The following F2RL1 variants were observed in gnomAD, a reference collection of about 807,000 sequenced individuals.
The protein encoded by F2RL1 is F2R like trypsin receptor 1.
Under a neutral mutation model 21.7 loss-of-function variants are expected in F2RL1, and 16 were observed. The ratio of observed to expected loss-of-function variants is 0.74; its 90% confidence interval spans 0.50 to 1.12. F2RL1 has a LOEUF of 1.12. Ranked by LOEUF, F2RL1 falls within the 50% of genes most tolerant of loss-of-function variation. The pLI is 0.00. For synonymous variants in F2RL1, 181 were observed against 186.7 expected, an observed-to-expected ratio of 0.97 and a Z score of 0.25; for missense variants, 432 against 477.8, an observed-to-expected ratio of 0.90 and a Z score of 0.89.
Position 76,829,732 on chromosome 5 carries a change from A to G in F2RL1, c.83-2958A>G, listed in dbSNP as rs77302460. Among the ~76,000 whole-genome samples the G allele has an allele frequency of 5.4e-3, 830 of 152,326 alleles. 18 individuals are homozygous for G. The highest frequency in any genetic ancestry group is 0.036 in the East Asian group (189 of 5,190). ...GCTTTTTATAATAATGGAATAGAAT[A>G]CAATAGAAAGTATCAGTGCACCCTA... On this transcript the variant is annotated intron_variant, in intron 1 of 1. Transcript: ENST00000296677.
At chr5:76,825,650 G>GGA (rs1750225585) in intron 1 of F2RL1, among the ~76,000 whole-genome samples, 2 of 152,144 alleles carry the variant, frequency 1.3e-5, no homozygotes, top group Non-Finnish European at 2.9e-5. Context: ...TTGGGAGCTG[G>GGA]GATAGCATCG....
At position 76,832,988 on chromosome 5, in the gene F2RL1, G is replaced by A; in HGVS notation, c.381G>A (p.Trp127Ter). 1.2e-6 allele frequency: 2 copies of A among 1,614,202 alleles called. No homozygotes were observed. Among genetic ancestry groups the A allele is most frequent in the Non-Finnish European group, 1.7e-6 (2 of 1,180,036 alleles). The change falls in exon 2 of 2, where the codon TGG becomes TGA. Residue 127 changes from tryptophan to a stop codon, truncating the protein, a stop_gained. Coordinates refer to ENST00000296677, the MANE Select transcript of F2RL1 (RefSeq NM_005242.6). LOFTEE classifies it high-confidence loss of function. Reference sequence around the variant, plus strand: ...TGGCTGACCTCCTCTCTGTCATCTGGTTCCCCTTGAAGATTGCCTATCACA... The same window carrying A: ...TGGCTGACCTCCTCTCTGTCATCTGATTCCCCTTGAAGATTGCCTATCACA... The part of the protein sequence containing the change: ...LALADLLSVI[W>*]FPLKIAYHIH...
intron 1 of F2RL1, among the ~76,000 whole-genome samples, chr5:76,820,926 T>C (rs776037788): frequency 1.3e-5 from 2 of 152,204 alleles, no homozygotes; most frequent in Non-Finnish European, 2.9e-5. Context: ...GACAATTGAT[T>C]TAGGCAGATG....
chr5:76,830,364 G>A (rs1053551647), intron 1 of F2RL1, among the ~76,000 whole-genome samples: 1 of 152,114 alleles, frequency 6.6e-6, no homozygotes, highest in African/African-American at 2.4e-5. Context: ...TGCAACCTCC[G>A]CCTCCCAGGT....
rs1168494600 is a variant in F2RL1 at position 76,819,234 on chromosome 5, G to T, written c.52G>T (p.Ala18Ser). 2.5e-6 allele frequency: 4 copies of T among 1,592,830 alleles called. No homozygotes were observed. Among genetic ancestry groups the T allele is most frequent in the Non-Finnish European group, 3.4e-6 (4 of 1,177,972 alleles). ...WLLGAAILLAASLSCSGTIQG... is the reference protein window; with the variant it reads ...WLLGAAILLASSLSCSGTIQG... Reference sequence around the variant, plus strand: ...GCTGGGGGCCGCCATCCTGCTAGCAGCCTCTCTCTCCTGCAGTGGCACCAT... The same window carrying T: ...GCTGGGGGCCGCCATCCTGCTAGCATCCTCTCTCTCCTGCAGTGGCACCAT... Residue 18 changes from alanine (A) to serine (S), a missense_variant, in exon 1 of 2, where the codon GCC becomes TCC. Physicochemically the swap from Ala to Ser is moderately conservative, Grantham distance 99 (BLOSUM62 1). Coordinates refer to ENST00000296677, the MANE Select transcript of F2RL1 (RefSeq NM_005242.6).
Position 76,833,634 on chromosome 5 carries a change from G to A in F2RL1, c.1027G>A (p.Val343Ile). 1 of 1,613,852 alleles carries A rather than the reference G, an allele frequency of 6.2e-7. No homozygotes were observed. The change falls in exon 2 of 2, where the codon GTC (valine) becomes ATC (isoleucine). Residue 343 changes from valine to isoleucine, a missense_variant. By Grantham distance (29) the Val-to-Ile change is conservative. Coordinates refer to ENST00000296677, the MANE Select transcript of F2RL1 (RefSeq NM_005242.6). Reference protein sequence around the residue: ...STLNSCIDPFVYYFVSHDFRD... With the variant: ...STLNSCIDPFIYYFVSHDFRD... The stretch of plus-strand genomic sequence containing the variant: ...CCTTAACAGCTGCATCGACCCCTTT[G>A]TCTATTACTTTGTTTCACATGATTT...
chr5:76,832,745 C>T lies in F2RL1; in HGVS notation c.138C>T (p.Ser46=), dbSNP rs1398834742. The T allele has an allele frequency of 1.2e-6, 2 of 1,614,114 alleles. No individual in the cohort carries two copies. Among genetic ancestry groups the T allele is most frequent in the Non-Finnish European group, 1.7e-6 (2 of 1,179,988 alleles). The part of the protein sequence containing the change: ...RSLIGKVDGT[S]HVTGKGVTVE... ...TTATTGGTAAGGTTGATGGCACATC[C>T]CACGTCACTGGAAAAGGAGTTACAG... Residue 46 remains serine (S), a synonymous_variant, in exon 2 of 2, where the codon TCC becomes TCT. Coordinates refer to ENST00000296677, the MANE Select transcript of F2RL1 (RefSeq NM_005242.6).
At chr5:76,821,325 A>G (rs1750130921) in intron 1 of F2RL1, among the ~76,000 whole-genome samples, 1 of 152,176 alleles carries the variant, frequency 6.6e-6, no homozygotes, top group South Asian at 2.1e-4. Context: ...AGGGGGCCCT[A>G]CCATCCTTTC....
chr5:76,819,395 T>C, intron 1 of F2RL1, 131 bp downstream of exon 1: 2 of 750,898 alleles, frequency 2.7e-6, no homozygotes, highest in South Asian at 3.8e-5. Context: ...ACGAATCCCT[T>C]AGCCTCCCCT....
rs149001132 is a variant in F2RL1, at chr5:76,833,701, G to A, written c.1094G>A (p.Arg365His). Residue 365 changes from arginine to histidine, a missense_variant, in exon 2 of 2, where the codon CGC (arginine) becomes CAC (histidine). Physicochemically the swap from Arg to His is conservative, Grantham distance 29 (BLOSUM62 0). Transcript: ENST00000296677. ...AKNALLCRSV[R>H]TVKQMQVSLT... The stretch of plus-strand genomic sequence containing the variant: ...AACGCTCTCCTTTGCCGAAGTGTCC[G>A]CACTGTAAAGCAGATGCAAGTATCC... 2.2e-5 allele frequency: 36 copies of A among 1,613,730 alleles called. No individual in the cohort carries two copies. The highest frequency in any genetic ancestry group is 1.1e-4 in the African/African-American group (8 of 74,814).
chr5:76,833,421 T>G lies in F2RL1; in HGVS notation c.814T>G (p.Ser272Ala). The G allele has an allele frequency of 1.9e-6, 3 of 1,613,952 alleles. No homozygotes were observed. Among genetic ancestry groups the G allele is most frequent in the South Asian group, 1.1e-5 (1 of 91,050 alleles). The change falls in exon 2 of 2, where the codon TCT (serine) becomes GCT (alanine). Residue 272 changes from serine to alanine, a missense_variant. Coordinates refer to ENST00000296677, the MANE Select transcript of F2RL1 (RefSeq NM_005242.6). ...YVLMIRMLRS[S>A]AMDENSEKKR... ...GCTGATGATCAGAATGCTGCGATCTTCTGCCATGGATGAAAACTCAGAGAA... is the reference window on the plus strand; with the variant it reads ...GCTGATGATCAGAATGCTGCGATCTGCTGCCATGGATGAAAACTCAGAGAA...
At position 76,832,774 on chromosome 5, in the gene F2RL1, A is replaced by G. The variant is rs1392784650; in HGVS notation, c.167A>G (p.Glu56Gly). The G allele has an allele frequency of 6.2e-7, 1 of 1,614,134 alleles. No homozygotes were observed. Among genetic ancestry groups the G allele is most frequent in the African/African-American group, 1.3e-5 (1 of 74,946 alleles). ...GTCACTGGAAAAGGAGTTACAGTTG[A>G]AACAGTCTTTTCTGTGGATGAGTTT... ...SHVTGKGVTV[E>G]TVFSVDEFSA... is the part of the protein sequence containing the mutation. Residue 56 changes from glutamate (E) to glycine (G), a missense_variant, in exon 2 of 2, where the codon GAA becomes GGA. Coordinates refer to ENST00000296677, the MANE Select transcript of F2RL1 (RefSeq NM_005242.6).
intron 1 of F2RL1, among the ~76,000 whole-genome samples, chr5:76,827,926 C>T (rs1259944285): frequency 1.3e-5 from 2 of 152,150 alleles, no homozygotes; most frequent in East Asian, 1.9e-4. Flanking sequence ...ATTTGAGGAA[C>T]TGCCAGATAA....
intron 1 of F2RL1, among the ~76,000 whole-genome samples, chr5:76,830,773 A>C (rs1750336270): frequency 6.6e-6 from 1 of 152,192 alleles, no homozygotes; most frequent in Non-Finnish European, 1.5e-5. Flanking sequence ...ACTAAGTGAA[A>C]AGTGAAATAT....
chr5:76,821,238 T>C (rs1750128876), intron 1 of F2RL1, among the ~76,000 whole-genome samples: 1 of 152,194 alleles, frequency 6.6e-6, no homozygotes, highest in African/African-American at 2.4e-5. Context: ...TCTCTTTCCC[T>C]TTACAATAGT....
At chr5:76,819,510 G>A (rs372275210) in intron 1 of F2RL1, among the ~76,000 whole-genome samples, 2 of 152,138 alleles carry the variant, frequency 1.3e-5, no homozygotes, top group African/African-American at 4.8e-5. Context: ...TTTCCCCAAA[G>A]ACCCCACTTC....
rs2243082 is a variant in F2RL1, at chr5:76,830,263, T to A, written c.83-2427T>A. Among the ~76,000 whole-genome samples the A allele has an allele frequency of 3.6e-3, 546 of 152,248 alleles. 2 individuals are homozygous for A. Among genetic ancestry groups the A allele is most frequent in the Non-Finnish European group, 5.8e-3 (397 of 68,006 alleles). On this transcript the variant is annotated intron_variant, in intron 1 of 1. Coordinates refer to ENST00000296677, the MANE Select transcript of F2RL1 (RefSeq NM_005242.6). ...CTTCTCCTTTTCTGCGTGTTGCAGA[T>A]CTCTTTCTGCTTTTCTCTCTGTTTT...
At chr5:76,831,780 A>C (rs1214099787) in intron 1 of F2RL1, among the ~76,000 whole-genome samples, 1 of 152,092 alleles carries the variant, frequency 6.6e-6, no homozygotes, top group Admixed American at 6.6e-5. Flanking sequence ...CACCTGCCTT[A>C]GCCTCCCAAA....
rs1750378007 is a variant in F2RL1, at chr5:76,832,962, T to A, written c.355T>A (p.Leu119Met). The A allele has an allele frequency of 6.2e-7, 1 of 1,614,240 alleles. No homozygotes were observed. Among genetic ancestry groups the A allele is most frequent in the Non-Finnish European group, 8.5e-7 (1 of 1,180,044 alleles). The change falls in exon 2 of 2, where the codon TTG becomes ATG. Residue 119 changes from leucine (L) to methionine (M), a missense_variant. Physicochemically the swap from Leu to Met is conservative, Grantham distance 15. Transcript: ENST00000296677. Reference protein sequence around the residue: ...PAVIYMANLALADLLSVIWFP... With the variant: ...PAVIYMANLAMADLLSVIWFP... Reference sequence around the variant, plus strand: ...TGTGATTTACATGGCCAATCTGGCCTTGGCTGACCTCCTCTCTGTCATCTG... The same window carrying A: ...TGTGATTTACATGGCCAATCTGGCCATGGCTGACCTCCTCTCTGTCATCTG...
Sources: allele counts gnomAD v4.1 joint callset (sites outside exome capture counted in the v4.1 genomes callset), GRCh38; gene constraint gnomAD v4.1.1; transcripts MANE v1.5; gene names NCBI Gene and HGNC (gene_info 2026-07-23, HGNC 2026-07-21).